The following SLC7A5 variants were observed in gnomAD, a reference collection of about 807,000 sequenced individuals.
SLC7A5 encodes the protein solute carrier family 7 member 5, also known as large neutral amino acids transporter small subunit 1.
SLC7A5 carries 23 observed loss-of-function variants against 50.2 expected under a neutral mutation model. The ratio of observed to expected loss-of-function variants is 0.46; its 90% CI spans 0.33 to 0.65. The LOEUF is 0.65. Ranked by LOEUF, SLC7A5 falls within the 30% of genes least tolerant of loss-of-function variation. SLC7A5 has a pLI of 0.02. For synonymous variants in SLC7A5, 393 were observed against 330.6 expected (o/e 1.19, Z -2.05); for missense variants, 578 against 684.4 (o/e 0.84, Z 1.73).
At chr16:87,854,074 C>G (rs867244537) in intron 1 of SLC7A5, 3 of 83,876 alleles carry the variant, frequency 3.6e-5, no homozygotes, top group East Asian at 4.8e-4. Context: ...ACCCCCCCGC[C>G]CCCCCCCCCA....
At chr16:87,839,018 T>C (rs2055048838) in intron 5 of SLC7A5, among the ~76,000 whole-genome samples, 1 of 152,224 alleles carries the variant, frequency 6.6e-6, no homozygotes, top group Admixed American at 6.5e-5. Context: ...CCCAGCCTGC[T>C]TGTTGGGGAG....
At chr16:87,835,684 C>T (rs559390608) in intron 8 of SLC7A5, among the ~76,000 whole-genome samples, 7 of 152,226 alleles carry the variant, frequency 4.6e-5, no homozygotes, top group Non-Finnish European at 8.8e-5. Context: ...CCGTGTTAGC[C>T]AGGATGGTCT....
At chr16:87,838,215 C>T (rs532038040) in intron 6 of SLC7A5, among the ~76,000 whole-genome samples, 10 of 152,188 alleles carry the variant, frequency 6.6e-5, no homozygotes, top group African/African-American at 2.2e-4. Context: ...GCTGTGTCAC[C>T]TCCAGGCAGG....
chr16:87,838,869 C>G (rs760228907), intron 5 of SLC7A5, 52 bp from the exon 6 acceptor site: 1 of 1,397,926 alleles, frequency 7.2e-7, no homozygotes, highest in East Asian at 2.3e-5. Context: ...CCCTCGCCCT[C>G]CCTGTGCTCA....
At chr16:87,854,870 G>A (rs1262066824) in intron 1 of SLC7A5, among the ~76,000 whole-genome samples, 1 of 152,174 alleles carries the variant, frequency 6.6e-6, no homozygotes, top group Non-Finnish European at 1.5e-5. Flanking sequence ...GCAGTGCATT[G>A]GAGGAACCCC....
chr16:87,857,748 A>C (rs2055339102), intron 1 of SLC7A5, among the ~76,000 whole-genome samples: 1 of 152,228 alleles, frequency 6.6e-6, no homozygotes, highest in Non-Finnish European at 1.5e-5. Context: ...CTGTGAAAAC[A>C]AATTACTAAC....
chr16:87,868,637 C>T (rs1475257153), intron 1 of SLC7A5, among the ~76,000 whole-genome samples: 3 of 152,196 alleles, frequency 2.0e-5, no homozygotes, highest in African/African-American at 7.2e-5. Flanking sequence ...GGAATGCCCA[C>T]CGAAGGGCAG....
At chr16:87,864,030 G>A (rs7200691) in intron 1 of SLC7A5, among the ~76,000 whole-genome samples, 1,459 of 81,946 alleles carry the variant, frequency 0.018, 31 homozygotes, top group African/African-American at 0.05. Flanking sequence ...GCTGACTCAC[G>A]CCTGTAATCC....
intron 4 of SLC7A5, 127 bp downstream of exon 4, chr16:87,840,302 A>G: frequency 1.2e-6 from 1 of 833,590 alleles, no homozygotes; most frequent in Non-Finnish European, 2.1e-6. Flanking sequence ...CTGGCCCCAG[A>G]GGCCCCAATC....
chr16:87,838,953 C>T lies in SLC7A5; in HGVS notation c.940-136G>A, dbSNP rs2055047710. On this transcript the variant is annotated intron_variant, in intron 5 of 9. Transcript: ENST00000261622. ...AGCCCTCTGCAGAGGACCTCTCAGG[C>T]TGGATTCTGGCCTCTGGGGGGACTT... 2.9e-5 allele frequency: 21 copies of T among 721,946 alleles called. No individual in the cohort carries two copies. The South Asian group carries it at 3.0e-4, about 10-fold the overall frequency. The allele number at this position is 721,946 out of a possible 1,614,324, so 44.7% of individuals were successfully genotyped here.
At chr16:87,858,798 G>A (rs541002011) in intron 1 of SLC7A5, among the ~76,000 whole-genome samples, 2 of 152,318 alleles carry the variant, frequency 1.3e-5, no homozygotes, top group Admixed American at 6.5e-5. Context: ...CAATGAACTC[G>A]TTGAACAGAC....
intron 1 of SLC7A5, among the ~76,000 whole-genome samples, chr16:87,866,842 C>A (rs113820121): frequency 1.2e-3 from 181 of 152,232 alleles, no homozygotes; most frequent in African/African-American, 4.2e-3. Flanking sequence ...CTAGGCAGCG[C>A]CCCATCCTAC....
Position 87,861,720 on chromosome 16 carries a change from G to A in SLC7A5, c.538+7165C>T, listed in dbSNP as rs2055400785. ...GAAGGCGGCTGATACACATTTCTGGGCAAGATTCTGCACATTCTGCTGGAT... is the reference window on the plus strand; with the variant it reads ...GAAGGCGGCTGATACACATTTCTGGACAAGATTCTGCACATTCTGCTGGAT... On this transcript the variant is annotated intron_variant, in intron 1 of 9. Transcript: ENST00000261622. The surrounding 1 kb of genome is among the most constrained non-coding windows in gnomAD (Gnocchi z 4.2). Among the ~76,000 whole-genome samples, 1 of 152,164 alleles carries A rather than the reference G, an allele frequency of 6.6e-6. No homozygotes were observed. The highest frequency in any genetic ancestry group is 1.5e-5 in the Non-Finnish European group (1 of 68,028).
In SLC7A5 at chr16:87,837,951, G is replaced by T; in HGVS notation, c.1044-10C>A. On this transcript the variant is annotated splice_polypyrimidine_tract_variant and intron_variant, in intron 6 of 9. Coordinates refer to ENST00000261622, the MANE Select transcript of SLC7A5 (RefSeq NM_003486.7). ...CCCCACGAAGAAGAGCCTGTGGACA[G>T]ACAAGAGTGGCAGAGTCAGCCACCG... 1.3e-6 allele frequency: 2 copies of T among 1,593,078 alleles called. No homozygotes were observed. Among genetic ancestry groups the T allele is most frequent in the Non-Finnish European group, 1.7e-6 (2 of 1,169,614 alleles).
At chr16:87,837,549 G>A (rs1294091705) in intron 7 of SLC7A5, 13 of 441,656 alleles carry the variant, frequency 2.9e-5, no homozygotes, top group Non-Finnish European at 4.2e-5. Flanking sequence ...CAGAGTGGGC[G>A]CCCACGGAGG....
Position 87,834,472 on chromosome 16 carries a change from G to A in SLC7A5, c.1410C>T (p.Pro470=), listed in dbSNP as rs778987531. ...TCCACCAGACCCCGAAGAAGTAGAC[G>A]GGCAGCCCGCTGAGGATGATGGTGA... The part of the protein sequence containing the change: ...IGFTIILSGL[P]VYFFGVWWKN... Residue 470 remains proline (P), a synonymous_variant, in exon 9 of 10, where the codon CCC becomes CCT. Coordinates refer to ENST00000261622, the MANE Select transcript of SLC7A5 (RefSeq NM_003486.7). The A allele has an allele frequency of 2.2e-5, 35 of 1,571,300 alleles. No homozygotes were observed. Among genetic ancestry groups the A allele is most frequent in the African/African-American group, 1.6e-4 (12 of 74,392 alleles).
chr16:87,834,056 G>T (rs1236782506), intron 9 of SLC7A5, among the ~76,000 whole-genome samples: 1 of 152,124 alleles, frequency 6.6e-6, no homozygotes, highest in Admixed American at 6.5e-5. Context: ...GTTTCACCAT[G>T]TTGGCCAGGC....
chr16:87,868,717 G>T (rs1425150609), intron 1 of SLC7A5, among the ~76,000 whole-genome samples, 168 bp downstream of exon 1: 2 of 152,258 alleles, frequency 1.3e-5, no homozygotes, highest in African/African-American at 4.8e-5. Flanking sequence ...AAGAATGAAT[G>T]AAAGAAACGC....
intron 2 of SLC7A5, among the ~76,000 whole-genome samples, chr16:87,847,892 C>A (rs1037093961): frequency 2.6e-5 from 4 of 152,326 alleles, no homozygotes; most frequent in Admixed American, 6.5e-5. Context: ...AGCCCAGTGG[C>A]ACACACGTAT....
Sources: allele counts gnomAD v4.1 joint callset (sites outside exome capture counted in the v4.1 genomes callset), GRCh38; gene constraint gnomAD v4.1.1; non-coding constraint Gnocchi (gnomAD v3.1); transcripts MANE v1.5; gene names NCBI Gene and HGNC (gene_info 2026-07-23, HGNC 2026-07-21).